Variants in GALNT2 observed in about 807,000 individuals in gnomAD.
GALNT2 encodes polypeptide N-acetylgalactosaminyltransferase 2, also known as UDP-GalNAc:polypeptide N-acetylgalactosaminyltransferase 2.
In GALNT2, 31 loss-of-function variants were observed where a neutral mutation model predicts 81.4. The observed-to-expected ratio is 0.38, with a 90% CI of 0.29 to 0.51. The LOEUF is 0.51. Among genes scored for constraint, GALNT2 ranks in the 20% least tolerant of loss-of-function variants. The pLI, the probability that GALNT2 is intolerant of heterozygous loss-of-function variation, is 0.87. For synonymous variants in GALNT2, 303 were observed against 287.4 expected, an observed-to-expected ratio of 1.05 and a Z score of -0.55; for missense variants, 629 against 765.7, an observed-to-expected ratio of 0.82 and a Z score of 2.11.
chr1:230,276,823 T>C (rs1399918186), intron 15 of GALNT2, among the ~76,000 whole-genome samples: 1 of 152,154 alleles, frequency 6.6e-6, no homozygotes, highest in Non-Finnish European at 1.5e-5. Context: ...CCAAACCACC[T>C]AGAAATTGCC....
At chr1:230,181,389 T>C (rs1006938067) in intron 2 of GALNT2, among the ~76,000 whole-genome samples, 8 of 152,218 alleles carry the variant, frequency 5.3e-5, no homozygotes, top group Non-Finnish European at 1.2e-4. Context: ...CATGATGGAT[T>C]ACGTTAATGG....
intron 1 of GALNT2, among the ~76,000 whole-genome samples, chr1:230,124,633 T>C (rs1179209897): frequency 6.6e-6 from 1 of 152,214 alleles, no homozygotes; most frequent in Non-Finnish European, 1.5e-5. Context: ...CAGTACATTT[T>C]CCTGCTGTTC....
At position 230,110,714 on chromosome 1, in the gene GALNT2, G is replaced by GTTTTTTTTTTTTTTTT. The variant is rs113630188; in HGVS notation, c.126+43322_126+43323insTTTTTTTTTTTTTTTT. Among the ~76,000 whole-genome samples the GTTTTTTTTTTTTTTTT allele has an allele frequency of 1.0e-4, 14 of 137,642 alleles. 1 individual carries two copies. Among genetic ancestry groups the GTTTTTTTTTTTTTTTT allele is most frequent in the Admixed American group, 2.9e-4 (4 of 13,912 alleles). The allele number at this position is 137,642 out of a possible 152,430, so 90.3% of individuals were successfully genotyped here. On this transcript the variant is annotated intron_variant, in intron 1 of 15. Coordinates refer to ENST00000366672, the MANE Select transcript of GALNT2 (RefSeq NM_004481.5). ...GGGTCTCTCTCAGCTGTGCTTTTCT[G>GTTTTTTTTTTTTTTTT]TTTTTTTTTTTTTTGTCTTCAATAG...
intron 3 of GALNT2, among the ~76,000 whole-genome samples, chr1:230,226,368 C>A (rs1174837049): frequency 6.6e-6 from 1 of 152,192 alleles, no homozygotes; most frequent in African/African-American, 2.4e-5. Context: ...GGTGCTAACA[C>A]CCTCCCCCTG....
At position 230,275,065 on chromosome 1, in the gene GALNT2, CGT is replaced by C. The variant is rs1026420809; in HGVS notation, c.1560+502_1560+503del. 1.5e-5 allele frequency among the ~76,000 whole-genome samples: 2 copies of C among 131,656 alleles called. No homozygotes were observed. Among genetic ancestry groups the C allele is most frequent in the African/African-American group, 5.1e-5 (2 of 38,934 alleles). 86.4% of individuals were successfully genotyped at this position (131,656 alleles called of 152,430 possible). A position where few individuals can be genotyped will look rare whatever the true frequency, so the allele number is the denominator to read the frequency against. On this transcript the variant is annotated intron_variant, in intron 15 of 15. Transcript: ENST00000366672. This position sits in a 1 kb window ranked among gnomAD's most constrained non-coding sequence, Gnocchi z 5.5. ...CACATATATACATGCCACATATATACGTATATATATACACACCACATATATAT... is the reference window on the plus strand; with the variant it reads ...CACATATATACATGCCACATATATACATATATATACACACCACATATATAT...
chr1:230,063,350 G>A (rs1048494790), upstream of GALNT2, among the ~76,000 whole-genome samples: 39 of 152,012 alleles, frequency 2.6e-4, 1 homozygote, highest in Non-Finnish European at 4.4e-5. Context: ...TATCCTAATG[G>A]ATATGAAGTG....
Position 230,281,739 on chromosome 1 carries a change from G to A in GALNT2, c.*2281G>A, listed in dbSNP as rs1046222498. The stretch of plus-strand genomic sequence containing the variant: ...GTCAAGAGCAGGGGTGGGCCGGGGA[G>A]GGGTCCTTTGCGGTGAGCTATGTTT... On this transcript the variant is annotated 3_prime_UTR_variant, in exon 16 of 16. Transcript: ENST00000366672. 1 of 152,650 alleles carries A rather than the reference G, an allele frequency of 6.6e-6. No individual in the cohort carries two copies. The highest frequency in any genetic ancestry group is 2.4e-5 in the African/African-American group (1 of 41,450). 9.5% of individuals were successfully genotyped at this position (152,650 alleles called of 1,614,324 possible).
At chr1:230,208,968 G>A (rs1391591298) in intron 3 of GALNT2, among the ~76,000 whole-genome samples, 1 of 151,956 alleles carries the variant, frequency 6.6e-6, no homozygotes, top group Admixed American at 6.6e-5. Flanking sequence ...CTGGCACATT[G>A]AAGAGACTGT....
Position 230,237,856 on chromosome 1 carries a change from AAG to A in GALNT2, c.607+1135_607+1136del, listed in dbSNP as rs199908449. Among the ~76,000 whole-genome samples, 1,151 of 152,216 alleles carry A rather than the reference AAG, an allele frequency of 7.6e-3. 8 individuals carry two copies. Among genetic ancestry groups the A allele is most frequent in the Non-Finnish European group, 0.012 (791 of 68,004 alleles). On this transcript the variant is annotated intron_variant, in intron 6 of 15. Coordinates refer to ENST00000366672, the MANE Select transcript of GALNT2 (RefSeq NM_004481.5). Reference sequence around the variant, plus strand: ...GGCACAGGCTTTAAAAAAAAAAAAAAAGAGAAGTGGGGAAGGAGGAAAGAGAG... The same window carrying A: ...GGCACAGGCTTTAAAAAAAAAAAAAAAGAAGTGGGGAAGGAGGAAAGAGAG...
intron 1 of GALNT2, among the ~76,000 whole-genome samples, chr1:230,119,597 G>C (rs1006253064): frequency 6.6e-5 from 10 of 152,098 alleles, no homozygotes; most frequent in Admixed American, 6.5e-4. Flanking sequence ...TTCTATCTGC[G>C]AGTGTAATTT....
intron 1 of GALNT2, among the ~76,000 whole-genome samples, chr1:230,089,525 A>G (rs895124154): frequency 3.3e-5 from 5 of 152,126 alleles, no homozygotes; most frequent in South Asian, 4.1e-4. Flanking sequence ...AACTCTTTTC[A>G]TCTAGCAAAA....
intron 1 of GALNT2, among the ~76,000 whole-genome samples, chr1:230,174,082 T>G (rs901797891): frequency 6.6e-6 from 1 of 152,198 alleles, no homozygotes; most frequent in African/African-American, 2.4e-5. Context: ...CCCCAAGTGC[T>G]AACTGAATGT....
At chr1:230,155,648 G>A (rs1012152892) in intron 1 of GALNT2, among the ~76,000 whole-genome samples, 4 of 152,184 alleles carry the variant, frequency 2.6e-5, no homozygotes, top group African/African-American at 9.7e-5. Context: ...GAGGACTGGA[G>A]CTTTTGTCAT....
At chr1:230,074,338 C>T (rs1659468699) in intron 1 of GALNT2, among the ~76,000 whole-genome samples, 1 of 152,188 alleles carries the variant, frequency 6.6e-6, no homozygotes, top group African/African-American at 2.4e-5. Flanking sequence ...CTTGGCCTCC[C>T]AAAGCATTGG....
chr1:230,178,681 C>T (rs1280962900), intron 2 of GALNT2, among the ~76,000 whole-genome samples: 2 of 151,924 alleles, frequency 1.3e-5, no homozygotes, highest in Non-Finnish European at 2.9e-5. Flanking sequence ...TGCACCCCCA[C>T]CCCCAACACA....
intron 6 of GALNT2, among the ~76,000 whole-genome samples, chr1:230,239,537 G>A (rs896183026): frequency 9.2e-5 from 14 of 152,244 alleles, no homozygotes; most frequent in Admixed American, 6.5e-4. Context: ...GAAAGATGTA[G>A]GCCGGGGGAG....
intron 1 of GALNT2, among the ~76,000 whole-genome samples, chr1:230,155,883 T>TA (rs1236575869): frequency 6.6e-6 from 1 of 152,048 alleles, no homozygotes; most frequent in African/African-American, 2.4e-5. Flanking sequence ...AGCCTTGCTT[T>TA]AAAAGGACTA....
chr1:230,226,135 A>C (rs1276734683), intron 3 of GALNT2, among the ~76,000 whole-genome samples: 3 of 152,238 alleles, frequency 2.0e-5, no homozygotes, highest in Non-Finnish European at 4.4e-5. Context: ...CCACCTTCAC[A>C]GCAGAGGCAT....
At chr1:230,206,987 T>C (rs891979417) in intron 3 of GALNT2, among the ~76,000 whole-genome samples, 5 of 151,146 alleles carry the variant, frequency 3.3e-5, no homozygotes, top group Non-Finnish European at 7.4e-5. Context: ...ACTCCAAAAC[T>C]TCCCGTCCCC....
Sources: gnomAD v4.1 joint callset for allele counts (sites outside exome capture counted in the v4.1 genomes callset) on GRCh38, gnomAD v4.1.1 for gene constraint, Gnocchi (gnomAD v3.1) non-coding constraint, MANE v1.5 for transcripts, NCBI Gene and HGNC (gene_info 2026-07-23, HGNC 2026-07-21) for gene names.